The following CSMD1 variants were observed in gnomAD, a reference collection of about 807,000 sequenced individuals.
CSMD1 encodes CUB and sushi domain-containing protein 1.
A neutral mutation model predicts 417.5 loss-of-function variants in CSMD1; 213 were observed. That is an observed-to-expected ratio of 0.51 (90% CI 0.46 to 0.57). The LOEUF is 0.57. CSMD1 is among the 20% of genes least tolerant of loss of function. The probability of loss-of-function intolerance (pLI) is 0.00; values close to 1 mark genes in which losing one functional copy is unlikely to be tolerated. For synonymous variants in CSMD1, 2,862 were observed against 1,736.8 expected, an observed-to-expected ratio of 1.65 and a Z score of -16.11; for missense variants, 6,923 against 4,529.7, an observed-to-expected ratio of 1.53 and a Z score of -15.17.
intron 4 of CSMD1, among the ~76,000 whole-genome samples, chr8:4,001,548 G>A (rs1298180633): frequency 2.0e-5 from 3 of 152,172 alleles, no homozygotes; most frequent in Admixed American, 2.0e-4. Flanking sequence ...ATACCTCACT[G>A]CCATGCAGTT....
intron 5 of CSMD1, among the ~76,000 whole-genome samples, chr8:3,839,326 TTATATATACTATTAATTAGAA>T (rs1802944836): frequency 8.3e-6 from 1 of 120,982 alleles, no homozygotes; most frequent in African/African-American, 3.1e-5. Flanking sequence ...TATATATTAA[TTATATATACTATTAATTAGAA>T]TATATAATAT....
At chr8:3,875,784 T>C (rs1054396484) in intron 5 of CSMD1, among the ~76,000 whole-genome samples, 6 of 152,086 alleles carry the variant, frequency 3.9e-5, no homozygotes, top group Admixed American at 6.6e-5. Context: ...CAAAGCTTTG[T>C]GGTAAAGGGA....
intron 26 of CSMD1, among the ~76,000 whole-genome samples, chr8:3,261,850 T>C (rs1801084442): frequency 6.6e-6 from 1 of 151,994 alleles, no homozygotes; most frequent in Non-Finnish European, 1.5e-5. Context: ...TACGAAGGCA[T>C]GCGGGCCGAG....
intron 31 of CSMD1, among the ~76,000 whole-genome samples, chr8:3,205,196 T>G (rs1029522458): frequency 6.6e-5 from 10 of 152,198 alleles, no homozygotes; most frequent in African/African-American, 2.4e-4. Context: ...AAATCCTCCG[T>G]TGCTCATAAA....
chr8:2,955,566 C>T (rs747371436), intron 64 of CSMD1, 23 bp downstream of exon 64: 11 of 1,610,196 alleles, frequency 6.8e-6, no homozygotes, highest in Admixed American at 6.7e-5. Context: ...GAAAAGTATG[C>T]CACTCCTTGA....
At chr8:4,064,231 G>T (rs1336596557) in intron 3 of CSMD1, among the ~76,000 whole-genome samples, 1 of 152,138 alleles carries the variant, frequency 6.6e-6, no homozygotes, top group Non-Finnish European at 1.5e-5. Context: ...CATCCCAGTG[G>T]TCATTCGCTG....
chr8:4,055,261 G>A (rs535219766), intron 3 of CSMD1, among the ~76,000 whole-genome samples: 1 of 152,068 alleles, frequency 6.6e-6, no homozygotes, highest in Non-Finnish European at 1.5e-5. Context: ...AATGAATTCA[G>A]GTTAAACAAT....
At chr8:4,175,923 C>G (rs1446837166) in intron 3 of CSMD1, among the ~76,000 whole-genome samples, 1 of 152,052 alleles carries the variant, frequency 6.6e-6, no homozygotes, top group Non-Finnish European at 1.5e-5. Context: ...TCTGTGTGGT[C>G]ACTGTGCAGG....
At chr8:3,343,200 A>G in intron 23 of CSMD1, 94 bp downstream of exon 23, 1 of 1,126,754 alleles carries the variant, frequency 8.9e-7, no homozygotes, top group South Asian at 1.5e-5. Context: ...AGGCAGCCAG[A>G]AAAAAATCAA....
intron 1 of CSMD1, among the ~76,000 whole-genome samples, chr8:4,958,827 G>C (rs373246354): frequency 6.2e-4 from 94 of 152,254 alleles, no homozygotes; most frequent in Middle Eastern, 3.4e-3. Context: ...CTTCTGACAA[G>C]TGTCTAAAAA....
At chr8:3,414,522 G>A (rs73657861) in intron 12 of CSMD1, among the ~76,000 whole-genome samples, 3,848 of 151,948 alleles carry the variant, frequency 0.025, 90 homozygotes, top group East Asian at 0.095. Flanking sequence ...TCCTCTCATC[G>A]CTCCCCATGC....
intron 2 of CSMD1, among the ~76,000 whole-genome samples, chr8:4,475,638 A>G (rs989344884): frequency 4.0e-5 from 6 of 151,540 alleles, no homozygotes; most frequent in Admixed American, 2.6e-4. Flanking sequence ...TTTCTTCGAG[A>G]CGGAGTCGCC....
At chr8:4,491,387 C>T (rs1160308354) in intron 2 of CSMD1, among the ~76,000 whole-genome samples, 2 of 152,016 alleles carry the variant, frequency 1.3e-5, no homozygotes, top group Non-Finnish European at 2.9e-5. Context: ...AGCGATCAGC[C>T]CTGGGTTTGC....
chr8:3,352,664 A>T (rs933777644), intron 21 of CSMD1, among the ~76,000 whole-genome samples: 1 of 152,062 alleles, frequency 6.6e-6, no homozygotes, highest in Admixed American at 6.6e-5. Flanking sequence ...ACATGGTGAA[A>T]CCCTATCTCT....
intron 2 of CSMD1, among the ~76,000 whole-genome samples, chr8:4,606,786 G>A (rs916409322): frequency 6.6e-6 from 1 of 152,012 alleles, no homozygotes; most frequent in Non-Finnish European, 1.5e-5. Flanking sequence ...TGACATAAAG[G>A]GGAGTATCAT....
rs1407241812 is a variant in CSMD1 at position 3,834,875 on chromosome 8, AAAAC to A, written c.819-80837_819-80834del. Among the ~76,000 whole-genome samples, 5 of 152,246 alleles carry A rather than the reference AAAAC, an allele frequency of 3.3e-5. No individual in the cohort carries two copies. In the South Asian group the frequency reaches 6.2e-4, roughly 19 times the overall value. ...TGAACTCCAACAAATTTACAAGAAA[AAAAC>A]AAACAACCCCATCAAAAAGTGGGTG... On this transcript the variant is annotated intron_variant, in intron 5 of 69. Transcript: ENST00000635120.
At chr8:3,329,868 T>G (rs980530953) in intron 23 of CSMD1, among the ~76,000 whole-genome samples, 1 of 152,172 alleles carries the variant, frequency 6.6e-6, no homozygotes, top group Non-Finnish European at 1.5e-5. Flanking sequence ...TGGCCCACAG[T>G]CTCTTTAGAG....
chr8:3,439,298 TATA>T lies in CSMD1; in HGVS notation c.1561+29411_1561+29413del, dbSNP rs1292131112. 2.1e-3 allele frequency among the ~76,000 whole-genome samples: 128 copies of T among 59,768 alleles called. 1 individual carries two copies. Among genetic ancestry groups the T allele is most frequent in the Non-Finnish European group, 3.3e-3 (114 of 34,658 alleles). 39.2% of individuals were successfully genotyped at this position (59,768 alleles called of 152,430 possible). On this transcript the variant is annotated intron_variant, in intron 12 of 69. Coordinates refer to ENST00000635120, the MANE Select transcript of CSMD1 (RefSeq NM_033225.6). ...CAATGTCAGTATATATATATATATA[TATA>T]TATATATATTTTTTTTTTTAATATG...
intron 5 of CSMD1, among the ~76,000 whole-genome samples, chr8:3,912,607 G>A (rs1490091949): frequency 1.3e-5 from 2 of 152,140 alleles, no homozygotes. Flanking sequence ...GAGAGAGAAG[G>A]AGCTAAGGTG....
Sources: gnomAD v4.1 joint callset for allele counts (sites outside exome capture counted in the v4.1 genomes callset) on GRCh38, gnomAD v4.1.1 for gene constraint, MANE v1.5 for transcripts, NCBI Gene and HGNC (gene_info 2026-07-23, HGNC 2026-07-21) for gene names.